AVL9: variants seen among roughly 807,000 people sequenced by gnomAD.
The protein encoded by AVL9 is AVL9 cell migration associated.
AVL9 carries 49 observed loss-of-function variants against 79.2 expected under a neutral mutation model. The observed-to-expected ratio is 0.62, with a 90% CI of 0.49 to 0.79. The LOEUF (loss-of-function observed/expected upper bound fraction) is 0.79. Ranked by LOEUF, AVL9 falls within the 30% of genes least tolerant of loss-of-function variation. The pLI is 0.00. For synonymous variants in AVL9, 299 were observed against 280.6 expected, an observed-to-expected ratio of 1.07 and a Z score of -0.65; for missense variants, 682 against 776.8, an observed-to-expected ratio of 0.88 and a Z score of 1.45.
At chr7:32,498,237 A>ATTTTTTTTTT (rs10547851) in intron 1 of AVL9, among the ~76,000 whole-genome samples, 1 of 89,814 alleles carries the variant, frequency 1.1e-5, no homozygotes, top group Non-Finnish European at 2.0e-5. Context: ...AAGTCCTCAG[A>ATTTTTTTTTT]TTTTTTTTTT....
rs1338865531 is a variant in AVL9 at position 32,572,682 on chromosome 7, G to A, written c.1351-517G>A. Among the ~76,000 whole-genome samples the A allele has an allele frequency of 6.6e-3, 950 of 144,222 alleles. 57 individuals carry two copies. Among genetic ancestry groups the A allele is most frequent in the African/African-American group, 0.025 (885 of 34,862 alleles). 94.6% of individuals were successfully genotyped at this position (144,222 alleles called of 152,430 possible). A position where few individuals can be genotyped will look rare whatever the true frequency, so the allele number is the denominator to read the frequency against. On this transcript the variant is annotated intron_variant, in intron 11 of 15. Coordinates refer to ENST00000318709, the MANE Select transcript of AVL9 (RefSeq NM_015060.3). ...CCGGGCGTGGTGGTGGGCGCCTGTA[G>A]TCCCAGCTACTCAGGAGGCTGAGGC...
At chr7:32,572,981 A>G (rs1478382729) in intron 11 of AVL9, among the ~76,000 whole-genome samples, 2 of 152,168 alleles carry the variant, frequency 1.3e-5, no homozygotes, top group East Asian at 1.9e-4. Context: ...TTAAAATACT[A>G]TATTTATGTG....
chr7:32,575,173 A>G (rs1485388080), intron 12 of AVL9, among the ~76,000 whole-genome samples: 2 of 147,164 alleles, frequency 1.4e-5, no homozygotes, highest in Non-Finnish European at 3.0e-5. Flanking sequence ...ATGTTGGCTC[A>G]CTGCAACCTC....
chr7:32,588,083 T>C lies in AVL9; in HGVS notation c.*4176T>C, dbSNP rs1424501362. ...TTTTTACTTATATGAAAGATAACTA[T>C]ATATTTAAATCATGTAAGTGGAACA... On this transcript the variant is annotated 3_prime_UTR_variant, in exon 16 of 16. Coordinates refer to ENST00000318709, the MANE Select transcript of AVL9 (RefSeq NM_015060.3). 3 of 152,220 alleles carry C rather than the reference T, an allele frequency of 2.0e-5. No individual in the cohort carries two copies. The highest frequency in any genetic ancestry group is 2.0e-4 in the Admixed American group (3 of 15,276). 9.4% of individuals were successfully genotyped at this position (152,220 alleles called of 1,614,324 possible).
At chr7:32,506,211 T>C (rs1787407071) in intron 1 of AVL9, among the ~76,000 whole-genome samples, 1 of 152,138 alleles carries the variant, frequency 6.6e-6, no homozygotes, top group African/African-American at 2.4e-5. Context: ...TTTAAACTTT[T>C]TAAACAAATT....
At chr7:32,531,359 T>C (rs1232091485) in intron 1 of AVL9, among the ~76,000 whole-genome samples, 1 of 20,324 alleles carries the variant, frequency 4.9e-5, no homozygotes, top group Non-Finnish European at 1.2e-4. Context: ...TTACTTCAGT[T>C]TACTGTGTAT....
chr7:32,499,305 G>A (rs559614538), intron 1 of AVL9, among the ~76,000 whole-genome samples: 33 of 151,124 alleles, frequency 2.2e-4, no homozygotes, highest in African/African-American at 6.8e-4. Flanking sequence ...TATACTTGTC[G>A]GACTACCAAA....
At position 32,540,699 on chromosome 7, in the gene AVL9, C is replaced by T. The variant is rs917456205; in HGVS notation, c.94-2442C>T. On this transcript the variant is annotated intron_variant, in intron 1 of 15. Coordinates refer to ENST00000318709, the MANE Select transcript of AVL9 (RefSeq NM_015060.3). Reference sequence around the variant, plus strand: ...ATCTTAATTATCTTGATAATACGGCCAAGTTGCCCTCCAAACTGTTGTGCC... The same window carrying T: ...ATCTTAATTATCTTGATAATACGGCTAAGTTGCCCTCCAAACTGTTGTGCC... 5.9e-5 allele frequency among the ~76,000 whole-genome samples: 9 copies of T among 152,010 alleles called. No homozygotes were observed. In the South Asian group the frequency reaches 6.2e-4, roughly 11 times the overall value.
intron 10 of AVL9, among the ~76,000 whole-genome samples, chr7:32,561,335 ATCT>A (rs1790323523): frequency 1.3e-5 from 2 of 152,224 alleles, no homozygotes; most frequent in Non-Finnish European, 2.9e-5. Context: ...CCTTAGCTAG[ATCT>A]TCTGAATAAC....
intron 1 of AVL9, among the ~76,000 whole-genome samples, chr7:32,531,347 TCTTA>T (rs1213176234): frequency 8.5e-6 from 1 of 118,228 alleles, no homozygotes; most frequent in Non-Finnish European, 1.8e-5. Flanking sequence ...TTTTATCAAA[TCTTA>T]CTTCAGTTTA....
chr7:32,570,626 C>CT (rs71559238), intron 11 of AVL9, among the ~76,000 whole-genome samples: 1,940 of 144,730 alleles, frequency 0.013, 42 homozygotes, highest in African/African-American at 0.044. Context: ...AATCTTTTTT[C>CT]TTTTTTTTTT....
intron 1 of AVL9, among the ~76,000 whole-genome samples, chr7:32,503,647 G>A (rs1367885747): frequency 6.6e-6 from 1 of 150,460 alleles, no homozygotes; most frequent in Non-Finnish European, 1.5e-5. Context: ...CACAGGGTAT[G>A]CTGAGTGTTC....
intron 10 of AVL9, among the ~76,000 whole-genome samples, chr7:32,564,430 C>T (rs1790466409): frequency 6.6e-6 from 1 of 152,084 alleles, no homozygotes. Context: ...AATCCTTGTA[C>T]AGAAGGAATT....
intron 10 of AVL9, among the ~76,000 whole-genome samples, chr7:32,563,625 AT>A (rs1001507663): frequency 1.3e-5 from 2 of 151,510 alleles, no homozygotes; most frequent in Non-Finnish European, 2.9e-5. Flanking sequence ...AGAACAAAGT[AT>A]TCTGTTTTTC....
In AVL9 at chr7:32,588,298, A is replaced by G. The variant is rs1473337000; in HGVS notation, c.*4391A>G. The G allele has an allele frequency of 6.6e-6, 1 of 152,204 alleles. No individual in the cohort carries two copies. Among genetic ancestry groups the G allele is most frequent in the African/African-American group, 2.4e-5 (1 of 41,460 alleles). 9.4% of individuals were successfully genotyped at this position (152,204 alleles called of 1,614,324 possible). ...AAATATTTTGTTGTTTTCTTAAAAT[A>G]TTAGTATTTTGTAGCTGGAAGAATA... On this transcript the variant is annotated 3_prime_UTR_variant, in exon 16 of 16. Transcript: ENST00000318709.
intron 1 of AVL9, among the ~76,000 whole-genome samples, chr7:32,519,540 CTT>C (rs1311321732): frequency 6.6e-6 from 1 of 151,940 alleles, no homozygotes; most frequent in Non-Finnish European, 1.5e-5. Context: ...ATTTGGTAAA[CTT>C]AATCTCAAAA....
intron 12 of AVL9, 136 bp downstream of exon 12, chr7:32,573,554 T>A: frequency 1.3e-6 from 1 of 767,370 alleles, no homozygotes. Flanking sequence ...CATACAAAGA[T>A]AGCCACTTTT....
At position 32,527,327 on chromosome 7, in the gene AVL9, C is replaced by CT. The variant is rs1477524214; in HGVS notation, c.94-15812dup. Among the ~76,000 whole-genome samples the CT allele has an allele frequency of 2.6e-5, 4 of 152,118 alleles. No homozygotes were observed. The East Asian group carries it at 7.7e-4, about 29-fold the overall frequency. ...TCAGTTACTGATAGGATAAAGATAA[C>CT]TTGCGACAAAGCCTGCTGGGTTAAT... On this transcript the variant is annotated intron_variant, in intron 1 of 15. Transcript: ENST00000318709.
At chr7:32,523,656 T>C (rs950800572) in intron 1 of AVL9, among the ~76,000 whole-genome samples, 20 of 150,832 alleles carry the variant, frequency 1.3e-4, no homozygotes, top group African/African-American at 4.9e-5. Context: ...GCTGGGACTA[T>C]AGGGGTGTGC....
Sources: allele counts gnomAD v4.1 joint callset (sites outside exome capture counted in the v4.1 genomes callset), GRCh38; gene constraint gnomAD v4.1.1; transcripts MANE v1.5; gene names NCBI Gene and HGNC (gene_info 2026-07-23, HGNC 2026-07-21).